Variants in SYT7 observed in about 807,000 individuals in gnomAD.
SYT7 encodes synaptotagmin 7.
In SYT7, 29 loss-of-function variants were observed where a neutral mutation model predicts 75.1. That is an observed-to-expected ratio of 0.39 (90% CI 0.29 to 0.53). The LOEUF (loss-of-function observed/expected upper bound fraction) is 0.53, where lower values mean the gene tolerates loss of function less well. SYT7 is among the 20% of genes least tolerant of loss of function. SYT7 has a pLI of 0.77. For missense variants in SYT7, 693 were observed against 953.2 expected (o/e 0.73, Z 3.59); for synonymous variants, 376 against 401.7 (o/e 0.94, Z 0.76).
chr11:61,562,687 T>C (rs2063669490), intron 1 of SYT7, among the ~76,000 whole-genome samples: 1 of 152,070 alleles, frequency 6.6e-6, no homozygotes, highest in Non-Finnish European at 1.5e-5. Context: ...CTGCAGGGCT[T>C]GACCAAAGCA....
chr11:61,547,318 C>CAG lies in SYT7; in HGVS notation c.216-12_216-11dup, dbSNP rs1206780898. The CAG allele has an allele frequency of 7.8e-6, 12 of 1,534,848 alleles. No homozygotes were observed. Among genetic ancestry groups the CAG allele is most frequent in the Non-Finnish European group, 1.0e-5 (12 of 1,146,342 alleles). ...GTCTCTGTCTAGATCACTGGAGGGG[C>CAG]AGAGAGAGAGGGGAGAAAACAGGGA... On this transcript the variant is annotated splice_polypyrimidine_tract_variant and intron_variant, in intron 3 of 12. Coordinates refer to ENST00000539008, the MANE Select transcript of SYT7 (RefSeq NM_001365809.2).
Position 61,572,117 on chromosome 11 carries a change from G to T in SYT7, c.31+8673C>A, listed in dbSNP as rs561530172. On this transcript the variant is annotated intron_variant, in intron 1 of 12. Coordinates refer to ENST00000539008, the MANE Select transcript of SYT7 (RefSeq NM_001365809.2). Reference sequence around the variant, plus strand: ...GGGCTGGAGAGGGAGGAATGAGGTTGGGGGGGGGGCACACAGACAATTCAT... The same window carrying T: ...GGGCTGGAGAGGGAGGAATGAGGTTTGGGGGGGGGCACACAGACAATTCAT... 1.0e-3 allele frequency among the ~76,000 whole-genome samples: 126 copies of T among 125,670 alleles called. No individual in the cohort carries two copies. The East Asian group carries it at 0.015, about 15-fold the overall frequency. The allele number at this position is 125,670 out of a possible 152,430, so 82.4% of individuals were successfully genotyped here.
intron 8 of SYT7, among the ~76,000 whole-genome samples, chr11:61,532,273 T>C (rs570897887): frequency 6.6e-6 from 1 of 152,234 alleles, no homozygotes; most frequent in South Asian, 2.1e-4. Flanking sequence ...TAATCCCCAG[T>C]TTTCTCCCTC....
chr11:61,584,394 C>A (rs377491535), upstream of SYT7, among the ~76,000 whole-genome samples: 1,149 of 135,320 alleles, frequency 8.5e-3, no homozygotes, highest in Non-Finnish European at 9.4e-3. Context: ...GACTCCGTCT[C>A]AAAAAAAAAA....
At chr11:61,568,681 C>T (rs2063840356) in intron 1 of SYT7, among the ~76,000 whole-genome samples, 1 of 152,172 alleles carries the variant, frequency 6.6e-6, no homozygotes, top group Non-Finnish European at 1.5e-5. Flanking sequence ...GTTCTAGAGG[C>T]CACACTATGC....
intron 12 of SYT7, 150 bp downstream of exon 12, chr11:61,522,925 T>G: frequency 1.3e-6 from 1 of 769,846 alleles, no homozygotes; most frequent in Non-Finnish European, 2.1e-6. Flanking sequence ...TATTTTTGGA[T>G]GAAGAAACAG....
In SYT7 at chr11:61,542,073, C is replaced by T. The variant is rs2063057596; in HGVS notation, c.941+138G>A. 7 of 1,180,196 alleles carry T rather than the reference C, an allele frequency of 5.9e-6. No individual in the cohort carries two copies. In the Admixed American group the frequency reaches 1.2e-4, roughly 20 times the overall value. The allele number at this position is 1,180,196 out of a possible 1,614,324, so 73.1% of individuals were successfully genotyped here. On this transcript the variant is annotated intron_variant, in intron 6 of 12. Transcript: ENST00000539008. This position sits in a 1 kb window ranked among gnomAD's most constrained non-coding sequence, Gnocchi z 7.8. ...GAGCCACAAGAGGCTAAGGAGGGGGCTGCCAAGTCTGCTTGGCACCCTGCC... is the reference window on the plus strand; with the variant it reads ...GAGCCACAAGAGGCTAAGGAGGGGGTTGCCAAGTCTGCTTGGCACCCTGCC...
chr11:61,556,707 G>A (rs1053840892), intron 1 of SYT7, among the ~76,000 whole-genome samples: 1 of 152,198 alleles, frequency 6.6e-6, no homozygotes, highest in African/African-American at 2.4e-5. Flanking sequence ...CAGCCCCTCT[G>A]AGGACATCTG....
At chr11:61,567,534 C>T (rs746352728) in intron 1 of SYT7, among the ~76,000 whole-genome samples, 1 of 152,238 alleles carries the variant, frequency 6.6e-6, no homozygotes, top group Non-Finnish European at 1.5e-5. Context: ...CCCTGATCAA[C>T]CCTCAGCTGA....
chr11:61,517,154 G>C lies in SYT7; in HGVS notation c.*1473C>G, dbSNP rs530309912. 12 of 397,820 alleles carry C rather than the reference G, an allele frequency of 3.0e-5. No individual in the cohort carries two copies. The South Asian group carries it at 1.2e-3, about 40-fold the overall frequency. 24.6% of individuals were successfully genotyped at this position (397,820 alleles called of 1,614,324 possible). On this transcript the variant is annotated 3_prime_UTR_variant, in exon 13 of 13. Coordinates refer to ENST00000539008, the MANE Select transcript of SYT7 (RefSeq NM_001365809.2). ...CAGGCCCAGGCTCGTGGACCCCCAG[G>C]ATTGGAGGCTTTGTCACCAGCTGGG... is the stretch of plus-strand genomic sequence containing the variant.
In SYT7 at chr11:61,538,134, G is replaced by C. The variant is rs1054808438; in HGVS notation, c.1064+10C>G. 2 of 1,535,824 alleles carry C rather than the reference G, an allele frequency of 1.3e-6. No individual in the cohort carries two copies. The highest frequency in any genetic ancestry group is 2.0e-5 in the Admixed American group (1 of 50,982). ...CCGCCGCCGCCGCAGGCCCTCGCCTGTGCTCGTACCTCTTGTCCCCCTGAG... is the reference window on the plus strand; with the variant it reads ...CCGCCGCCGCCGCAGGCCCTCGCCTCTGCTCGTACCTCTTGTCCCCCTGAG... On this transcript the variant is annotated intron_variant, in intron 7 of 12. Transcript: ENST00000539008.
At chr11:61,570,541 G>A (rs1036040680) in intron 1 of SYT7, among the ~76,000 whole-genome samples, 9 of 152,194 alleles carry the variant, frequency 5.9e-5, no homozygotes, top group Non-Finnish European at 1.2e-4. Context: ...CTGAGACTCA[G>A]GAGGGTTGGG....
In SYT7 at chr11:61,526,905, C is replaced by G. The variant is rs188900964; in HGVS notation, c.1471+1010G>C. ...GCTGGGAAGGCAGGTGGGGAAAGGT[C>G]CCTGGGGTACACGGTGAAGATTCTG... On this transcript the variant is annotated intron_variant, in intron 9 of 12. Coordinates refer to ENST00000539008, the MANE Select transcript of SYT7 (RefSeq NM_001365809.2). Among the ~76,000 whole-genome samples the G allele has an allele frequency of 1.7e-4, 26 of 152,216 alleles. No individual in the cohort carries two copies. In the East Asian group the frequency reaches 5.0e-3, roughly 29 times the overall value.
chr11:61,559,222 T>C (rs1384424527), intron 1 of SYT7, among the ~76,000 whole-genome samples: 1 of 152,186 alleles, frequency 6.6e-6, no homozygotes, highest in Non-Finnish European at 1.5e-5. Context: ...TTTATCAATC[T>C]TGTGGGACTA....
At chr11:61,565,232 T>G (rs1172053544) in intron 1 of SYT7, among the ~76,000 whole-genome samples, 1 of 152,156 alleles carries the variant, frequency 6.6e-6, no homozygotes, top group Non-Finnish European at 1.5e-5. Context: ...GCACCCTCCA[T>G]GCGCATGCTG....
chr11:61,547,093 C>T (rs547784431), intron 4 of SYT7, 84 bp downstream of exon 4: 4 of 1,464,024 alleles, frequency 2.7e-6, no homozygotes, highest in Admixed American at 2.0e-5. Flanking sequence ...TGAGCGGGTC[C>T]AGAGGTGGGT....
Position 61,513,895 on chromosome 11 carries a change from C to A in SYT7, c.*4732G>T, listed in dbSNP as rs755883929. Among the ~76,000 whole-genome samples the A allele has an allele frequency of 3.9e-5, 6 of 152,216 alleles. No individual in the cohort carries two copies. The highest frequency in any genetic ancestry group is 6.5e-5 in the Admixed American group (1 of 15,276). On this transcript the variant is annotated 3_prime_UTR_variant, in exon 13 of 13. Transcript: ENST00000539008. ...AACAGATGGTCTGGGGAGCCACGAG[C>A]TGGGGCATCGGCGTGCTCAAGGCTT...
In SYT7 at chr11:61,546,657, G is replaced by C. The variant is rs748175158; in HGVS notation, c.348-402C>G. 6.5e-6 allele frequency: 3 copies of C among 464,334 alleles called. No individual in the cohort carries two copies. The highest frequency in any genetic ancestry group is 6.0e-5 in the African/African-American group (3 of 50,402). The allele number at this position is 464,334 out of a possible 1,614,324, so 28.8% of individuals were successfully genotyped here. Reference sequence around the variant, plus strand: ...GAAGGGTTAACGACGGAGGAAGAGCGGGCTGTCCAGGCCAGGAGGCCCCAA... The same window carrying C: ...GAAGGGTTAACGACGGAGGAAGAGCCGGCTGTCCAGGCCAGGAGGCCCCAA... On this transcript the variant is annotated intron_variant, in intron 4 of 12. Coordinates refer to ENST00000539008, the MANE Select transcript of SYT7 (RefSeq NM_001365809.2). The surrounding 1 kb of genome is among the most constrained non-coding windows in gnomAD (Gnocchi z 7.6).
rs1015180731 is a variant in SYT7 at position 61,546,117 on chromosome 11, G to C, written c.486C>G (p.Ser162Arg). 2.0e-5 allele frequency: 30 copies of C among 1,529,898 alleles called. No individual in the cohort carries two copies. The highest frequency in any genetic ancestry group is 2.5e-5 in the Non-Finnish European group (29 of 1,144,224). The allele number at this position is 1,529,898 out of a possible 1,614,324, so 94.8% of individuals were successfully genotyped here. The change falls in exon 5 of 13, where the codon AGC (serine) becomes AGG (arginine). Residue 162 changes from serine (S) to arginine (R), a missense_variant. Coordinates refer to ENST00000539008, the MANE Select transcript of SYT7 (RefSeq NM_001365809.2). The surrounding 1 kb of genome is among the most constrained non-coding windows in gnomAD (Gnocchi z 7.6). ...CCGCCTTGCCACCGCTGCCCGGCTCGCTGGGGGCAGCCCCGCCGCTTCTCA... is the reference window on the plus strand; with the variant it reads ...CCGCCTTGCCACCGCTGCCCGGCTCCCTGGGGGCAGCCCCGCCGCTTCTCA... ...DALRSGGAAP[S>R]EPGSGGKAGR...
Sources: gnomAD v4.1 joint callset for allele counts (sites outside exome capture counted in the v4.1 genomes callset) on GRCh38, gnomAD v4.1.1 for gene constraint, Gnocchi (gnomAD v3.1) non-coding constraint, MANE v1.5 for transcripts, NCBI Gene and HGNC (gene_info 2026-07-23, HGNC 2026-07-21) for gene names.